PSEN1: variants seen among roughly 807,000 people sequenced by gnomAD.
PSEN1 encodes presenilin 1, also known as presenilin-1.
PSEN1 carries 15 observed loss-of-function variants against 53.5 expected under a neutral mutation model. The ratio of observed to expected loss-of-function variants is 0.28; its 90% CI spans 0.19 to 0.43. The LOEUF (loss-of-function observed/expected upper bound fraction) is 0.43, where lower values mean the gene tolerates loss of function less well. Ranked by LOEUF, PSEN1 falls within the 20% of genes least tolerant of loss-of-function variation. The pLI is 1.00. For missense variants in PSEN1, 387 were observed against 571.2 expected, an observed-to-expected ratio of 0.68 and a Z score of 3.29; for synonymous variants, 208 against 209.8, an observed-to-expected ratio of 0.99 and a Z score of 0.08.
intron 5 of PSEN1, among the ~76,000 whole-genome samples, chr14:73,185,230 G>T (rs1371181203): frequency 6.6e-6 from 1 of 152,178 alleles, no homozygotes; most frequent in Admixed American, 6.5e-5. Flanking sequence ...CTACAATCTC[G>T]GCACTTTGGG....
At chr14:73,190,870 T>G (rs1898689861) in intron 6 of PSEN1, among the ~76,000 whole-genome samples, 1 of 152,246 alleles carries the variant, frequency 6.6e-6, no homozygotes, top group Admixed American at 6.5e-5. Flanking sequence ...GTTTTTGTTT[T>G]TTAGTTTGAG....
At position 73,186,377 on chromosome 14, in the gene PSEN1, CT is replaced by C. The variant is rs576671368; in HGVS notation, c.481-475del. On this transcript the variant is annotated intron_variant, in intron 5 of 11. Transcript: ENST00000324501. Reference sequence around the variant, plus strand: ...CTGGGCAACAAGAGCGAAACTCCGTCTCAGAAAAAAAAAAAGAATATTCAAA... The same window carrying C: ...CTGGGCAACAAGAGCGAAACTCCGTCCAGAAAAAAAAAAAGAATATTCAAA... 7.3e-5 allele frequency among the ~76,000 whole-genome samples: 11 copies of C among 150,670 alleles called. No individual in the cohort carries two copies. In the South Asian group the frequency reaches 1.7e-3, roughly 23 times the overall value.
At position 73,221,278 on chromosome 14, in the gene PSEN1, G is replaced by A. The variant is rs1900113306; in HGVS notation, c.*1989G>A. ...AAGATTCATTCCCTCTCTCAGACATGTGCTAGCATGGGTATTATCATTGAG... is the reference window on the plus strand; with the variant it reads ...AAGATTCATTCCCTCTCTCAGACATATGCTAGCATGGGTATTATCATTGAG... On this transcript the variant is annotated 3_prime_UTR_variant, in exon 12 of 12. Transcript: ENST00000324501. 6.6e-6 allele frequency: 1 copy of A among 152,114 alleles called. No individual in the cohort carries two copies. Among genetic ancestry groups the A allele is most frequent in the Non-Finnish European group, 1.5e-5 (1 of 68,034 alleles). The allele number at this position is 152,114 out of a possible 1,614,324, so 9.4% of individuals were successfully genotyped here.
intron 8 of PSEN1, among the ~76,000 whole-genome samples, chr14:73,199,608 ATTC>A (rs1899096896): frequency 6.6e-6 from 1 of 152,228 alleles, no homozygotes; most frequent in African/African-American, 2.4e-5. Flanking sequence ...TATAAAATGT[ATTC>A]TTACAGTAGA....
At chr14:73,139,494 C>A (rs1896855519) in intron 1 of PSEN1, 1 of 149,412 alleles carries the variant, frequency 6.7e-6, no homozygotes. Context: ...GCAGGAGAAT[C>A]GCTTGAACCC....
At chr14:73,203,053 A>G (rs1013461109) in intron 8 of PSEN1, among the ~76,000 whole-genome samples, 2 of 152,090 alleles carry the variant, frequency 1.3e-5, no homozygotes, top group African/African-American at 4.8e-5. Flanking sequence ...TGAGGATTTT[A>G]TATAAATCAT....
At chr14:73,179,076 C>T (rs1166357450) in intron 5 of PSEN1, among the ~76,000 whole-genome samples, 1 of 152,150 alleles carries the variant, frequency 6.6e-6, no homozygotes, top group Admixed American at 6.5e-5. Context: ...TCTGTGATCT[C>T]CATGTGGTTT....
At chr14:73,157,646 C>G (rs1382017016) in intron 3 of PSEN1, among the ~76,000 whole-genome samples, 2 of 152,062 alleles carry the variant, frequency 1.3e-5, no homozygotes, top group Non-Finnish European at 2.9e-5. Flanking sequence ...TCCTCCCCAT[C>G]CCCAGGCAAC....
chr14:73,176,470 G>A (rs1480679307), intron 5 of PSEN1, among the ~76,000 whole-genome samples: 1 of 152,188 alleles, frequency 6.6e-6, no homozygotes, highest in African/African-American at 2.4e-5. Flanking sequence ...TTTACATTCA[G>A]ATTTCCTGCC....
chr14:73,166,578 A>G (rs1665732201), intron 3 of PSEN1, among the ~76,000 whole-genome samples: 2 of 152,202 alleles, frequency 1.3e-5, no homozygotes, highest in Admixed American at 6.5e-5. Flanking sequence ...TGTACTGCTG[A>G]ACATCAATTG....
At chr14:73,219,079 T>A in intron 11 of PSEN1, 55 bp from the exon 12 acceptor site, 1 of 1,587,872 alleles carries the variant, frequency 6.3e-7, no homozygotes, top group Non-Finnish European at 8.6e-7. Context: ...GAGTTTTGCC[T>A]GAAAATGCTT....
At position 73,186,925 on chromosome 14, in the gene PSEN1, GTTGTGAAATTTTTGGTCTGTCT is replaced by G; in HGVS notation, c.548+8_548+29del. 6.2e-7 allele frequency: 1 copy of G among 1,611,144 alleles called. No individual in the cohort carries two copies. Among genetic ancestry groups the G allele is most frequent in the Non-Finnish European group, 8.5e-7 (1 of 1,177,408 alleles). ...TTTTTCATTCATTTACTTGGGGTAA[GTTGTGAAATTTTTGGTCTGTCT>G]TTCAGAATTAACTACCTTTGTGCTG... is the stretch of plus-strand genomic sequence containing the variant. On this transcript the variant is annotated splice_donor_region_variant and intron_variant, in intron 6 of 11. Transcript: ENST00000324501.
At chr14:73,196,431 A>G (rs1297845957) in intron 7 of PSEN1, among the ~76,000 whole-genome samples, 1 of 147,424 alleles carries the variant, frequency 6.8e-6, no homozygotes. Flanking sequence ...TATTGTACAT[A>G]TATATTATTA....
intron 3 of PSEN1, among the ~76,000 whole-genome samples, chr14:73,151,523 T>G (rs1897223429): frequency 6.6e-6 from 1 of 152,174 alleles, no homozygotes; most frequent in Non-Finnish European, 1.5e-5. Flanking sequence ...CCCCTTTCAT[T>G]TTCTAAATGT....
intron 8 of PSEN1, among the ~76,000 whole-genome samples, chr14:73,202,319 A>G (rs1228238237): frequency 1.3e-5 from 2 of 148,992 alleles, no homozygotes. Context: ...TGGGTGAGGA[A>G]TTAGGACCAG....
chr14:73,194,670 G>T (rs1265592565), intron 7 of PSEN1, among the ~76,000 whole-genome samples: 1 of 150,332 alleles, frequency 6.7e-6, no homozygotes, highest in Non-Finnish European at 1.5e-5. Context: ...CCAGGTTCAT[G>T]CCGTTCTCCT....
At chr14:73,141,864 G>A (rs949304359) in intron 1 of PSEN1, among the ~76,000 whole-genome samples, 7 of 151,990 alleles carry the variant, frequency 4.6e-5, no homozygotes, top group South Asian at 2.1e-4. Context: ...TCAGGAGATC[G>A]AGACCATCCT....
Position 73,178,244 on chromosome 14 carries a change from G to C in PSEN1, c.480+4537G>C, listed in dbSNP as rs181785527. On this transcript the variant is annotated intron_variant, in intron 5 of 11. Transcript: ENST00000324501. ...CTTTTTTTTTTTTTTTTTTGAGACC[G>C]AGTCTCGCTTTGTCACCCAGGCTGG... 8.5e-5 allele frequency among the ~76,000 whole-genome samples: 11 copies of C among 129,354 alleles called. No individual in the cohort carries two copies. The East Asian group carries it at 2.2e-3, about 26-fold the overall frequency. The allele number at this position is 129,354 out of a possible 152,430, so 84.9% of individuals were successfully genotyped here. A position where few individuals can be genotyped will look rare whatever the true frequency, so the allele number is the denominator to read the frequency against.
At chr14:73,159,229 TG>T (rs1897456757) in intron 3 of PSEN1, among the ~76,000 whole-genome samples, 1 of 151,824 alleles carries the variant, frequency 6.6e-6, no homozygotes, top group Non-Finnish European at 1.5e-5. Context: ...TCACCCAGGC[TG>T]GAGTATAGTG....
Sources: allele counts gnomAD v4.1 joint callset (sites outside exome capture counted in the v4.1 genomes callset), GRCh38; gene constraint gnomAD v4.1.1; transcripts MANE v1.5; gene names NCBI Gene and HGNC (gene_info 2026-07-23, HGNC 2026-07-21).